Variants in WDFY4 observed in about 807,000 individuals in gnomAD.
WDFY4 encodes the protein WDFY family member 4.
Under a neutral mutation model 351.9 loss-of-function variants are expected in WDFY4, and 169 were observed. The observed-to-expected ratio is 0.48, with a 90% CI of 0.42 to 0.55. The LOEUF (loss-of-function observed/expected upper bound fraction) is 0.55. Ranked by LOEUF, WDFY4 falls within the 20% of genes least tolerant of loss-of-function variation. WDFY4 has a pLI of 0.00. For synonymous variants in WDFY4, 1,622 were observed against 1,574.6 expected, an observed-to-expected ratio of 1.03 and a Z score of -0.71; for missense variants, 3,803 against 3,935.6, an observed-to-expected ratio of 0.97 and a Z score of 0.90.
At chr10:48,903,011 G>A (rs1837435833) in intron 47 of WDFY4, among the ~76,000 whole-genome samples, 1 of 152,156 alleles carries the variant, frequency 6.6e-6, no homozygotes, top group Admixed American at 6.5e-5. Flanking sequence ...TTGGGAGGCT[G>A]AGGTGGGAGA....
intron 1 of WDFY4, among the ~76,000 whole-genome samples, chr10:48,690,658 G>A (rs2063168354): frequency 6.6e-6 from 1 of 152,142 alleles, no homozygotes; most frequent in African/African-American, 2.4e-5. Context: ...TCTCAGCAGA[G>A]AGGAGGCCCT....
chr10:48,808,628 G>C lies in WDFY4; in HGVS notation c.4838+670G>C, dbSNP rs138302842. Among the ~76,000 whole-genome samples the C allele has an allele frequency of 6.5e-4, 99 of 152,248 alleles. No individual in the cohort carries two copies. The East Asian group carries it at 0.016, about 25-fold the overall frequency. On this transcript the variant is annotated intron_variant, in intron 28 of 61. Coordinates refer to ENST00000325239, the MANE Select transcript of WDFY4 (RefSeq NM_001394531.1). ...CAACCTGTATATGCATCTGGGCTTG[G>C]GGGTAAAGAGTTACCCCTCAGTAAA...
chr10:48,860,492 A>G (rs1384490664), intron 39 of WDFY4, among the ~76,000 whole-genome samples: 1 of 152,216 alleles, frequency 6.6e-6, no homozygotes, highest in Non-Finnish European at 1.5e-5. Flanking sequence ...TGAGGACACT[A>G]ATACCATAAT....
chr10:48,728,464 T>C (rs1385828477), intron 7 of WDFY4, among the ~76,000 whole-genome samples: 1 of 152,154 alleles, frequency 6.6e-6, no homozygotes, highest in African/African-American at 2.4e-5. Context: ...CCACATACTT[T>C]CCCTTGGGCT....
In WDFY4 at chr10:48,978,366, C is replaced by A. The variant is rs190518084; in HGVS notation, c.9349C>A (p.Pro3117Thr). The change falls in exon 60 of 62, where the codon CCC becomes ACC. Residue 3117 changes from proline (P) to threonine (T), a missense_variant. Around this residue, in one of 3 missense-constraint regions of WDFY4, gnomAD observed 3,054 missense variants for 3,148.6 expected, o/e 0.97. Transcript: ENST00000325239. Reference protein sequence around the residue: ...SVPGRPAGEEPPAQPPSPRGH... With the variant: ...SVPGRPAGEETPAQPPSPRGH... ...TCCTGGACGGCCAGCAGGAGAGGAG[C>A]CCCCGGCTCAGCCTCCAAGCCCAAG... The A allele has an allele frequency of 1.9e-6, 3 of 1,551,144 alleles. No individual in the cohort carries two copies. The highest frequency in any genetic ancestry group is 2.6e-6 in the Non-Finnish European group (3 of 1,146,770).
chr10:48,780,847 C>T (rs2066196513), intron 19 of WDFY4, among the ~76,000 whole-genome samples: 2 of 152,204 alleles, frequency 1.3e-5, no homozygotes, highest in East Asian at 1.9e-4. Flanking sequence ...TTTTAAAGTT[C>T]TCTTGCACAG....
In WDFY4 at chr10:48,721,362, G is replaced by T; in HGVS notation, c.451G>T (p.Asp151Tyr). The T allele has an allele frequency of 6.4e-7, 1 of 1,551,678 alleles. No homozygotes were observed. The highest frequency in any genetic ancestry group is 8.7e-7 in the Non-Finnish European group (1 of 1,146,960). Residue 151 changes from aspartate (D) to tyrosine (Y), a missense_variant, in exon 4 of 62, where the codon GAC becomes TAC. By Grantham distance (160) the Asp-to-Tyr change is radical. Around this residue, in one of 3 missense-constraint regions of WDFY4, gnomAD observed 488 missense variants for 456.8 expected, o/e 1.07. Coordinates refer to ENST00000325239, the MANE Select transcript of WDFY4 (RefSeq NM_001394531.1). ...GTCAGTGTACGTGCTCACGGGGACA[G>T]ACTCGGTAAGTTTCAGACCATCAGC... ...LKSVYVLTGT[D>Y]SETLGRVAES...
At chr10:48,825,858 C>A (rs1320743815) in intron 35 of WDFY4, among the ~76,000 whole-genome samples, 1 of 150,668 alleles carries the variant, frequency 6.6e-6, no homozygotes, top group Non-Finnish European at 1.5e-5. Context: ...GGATATTAGA[C>A]CTTTGTTAGA....
chr10:48,877,301 A>G, intron 43 of WDFY4, 102 bp downstream of exon 43: 1 of 1,066,572 alleles, frequency 9.4e-7, no homozygotes, highest in Non-Finnish European at 1.3e-6. Flanking sequence ...GGGGAATGAG[A>G]TCTCCATTTG....
chr10:48,873,745 A>G (rs1043214975), intron 41 of WDFY4, 48 bp downstream of exon 41: 1 of 1,535,688 alleles, frequency 6.5e-7, no homozygotes, highest in African/African-American at 1.4e-5. Flanking sequence ...GTAGGGCCTG[A>G]TAGGAAAGCA....
In WDFY4 at chr10:48,796,483, A is replaced by AGT. The variant is rs1299371578; in HGVS notation, c.4410+41_4410+42dup. The AGT allele has an allele frequency of 1.4e-5, 22 of 1,541,658 alleles. No individual in the cohort carries two copies. In the South Asian group the frequency reaches 2.1e-4, roughly 15 times the overall value. On this transcript the variant is annotated intron_variant, in intron 24 of 61. Coordinates refer to ENST00000325239, the MANE Select transcript of WDFY4 (RefSeq NM_001394531.1). ...AGAGATTGGCCCTTAGTCCTTCAGGAGTGTGTGTGATGGTAAATATGCTAA... is the reference window on the plus strand; with the variant it reads ...AGAGATTGGCCCTTAGTCCTTCAGGAGTGTGTGTGTGATGGTAAATATGCTAA...
chr10:48,961,015 G>A (rs1222190741), intron 53 of WDFY4, among the ~76,000 whole-genome samples: 1 of 152,216 alleles, frequency 6.6e-6, no homozygotes, highest in Non-Finnish European at 1.5e-5. Flanking sequence ...TTACATGACT[G>A]AATGAATTTA....
intron 12 of WDFY4, among the ~76,000 whole-genome samples, chr10:48,758,379 T>A (rs2065398078): frequency 6.6e-6 from 1 of 152,228 alleles, no homozygotes. Context: ...TTGATTGTGC[T>A]GTGTCTGGGC....
At chr10:48,898,648 T>C (rs913955179) in intron 45 of WDFY4, among the ~76,000 whole-genome samples, 26 of 152,218 alleles carry the variant, frequency 1.7e-4, no homozygotes, top group Non-Finnish European at 3.5e-4. Flanking sequence ...AGGCCCCAGC[T>C]GCCCTCCTGT....
intron 47 of WDFY4, among the ~76,000 whole-genome samples, chr10:48,925,899 G>T (rs138535403): frequency 6.6e-6 from 1 of 152,134 alleles, no homozygotes; most frequent in Non-Finnish European, 1.5e-5. Flanking sequence ...AATCTCCAGA[G>T]AAACTAAGCA....
At chr10:48,859,925 G>A (rs2069275928) in intron 39 of WDFY4, among the ~76,000 whole-genome samples, 1 of 152,164 alleles carries the variant, frequency 6.6e-6, no homozygotes, top group Admixed American at 6.5e-5. Flanking sequence ...GATGAGTCGT[G>A]GTAGTTTGTG....
intron 39 of WDFY4, among the ~76,000 whole-genome samples, chr10:48,844,153 C>T (rs1216255764): frequency 6.6e-6 from 1 of 152,216 alleles, no homozygotes; most frequent in Admixed American, 6.5e-5. Context: ...TTAAAAAAGT[C>T]TTTCAAAGTC....
At chr10:48,848,060 T>G (rs1304875130) in intron 39 of WDFY4, among the ~76,000 whole-genome samples, 1 of 152,176 alleles carries the variant, frequency 6.6e-6, no homozygotes, top group East Asian at 1.9e-4. Context: ...TGCAATTACC[T>G]GGGCACTCAG....
chr10:48,759,952 C>T (rs1737540130), intron 12 of WDFY4, among the ~76,000 whole-genome samples: 1 of 152,014 alleles, frequency 6.6e-6, no homozygotes, highest in Non-Finnish European at 1.5e-5. Context: ...GTGCTTACAC[C>T]ATTTTGAAGG....
Sources: gnomAD v4.1 joint callset for allele counts (sites outside exome capture counted in the v4.1 genomes callset) on GRCh38, gnomAD v4.1.1 for gene constraint, gnomAD v4.1.1 regional missense constraint, MANE v1.5 for transcripts, NCBI Gene and HGNC (gene_info 2026-07-23, HGNC 2026-07-21) for gene names.